CDH12: variants seen among roughly 807,000 people sequenced by gnomAD.
CDH12 encodes cadherin 12.
In CDH12, 41 loss-of-function variants were observed where a neutral mutation model predicts 74.1. The ratio of observed to expected loss-of-function variants is 0.55; its 90% CI spans 0.43 to 0.72. CDH12 has a LOEUF of 0.72. Ranked by LOEUF, CDH12 falls within the 30% of genes least tolerant of loss-of-function variation. The probability of loss-of-function intolerance (pLI) is 0.00; values close to 1 mark genes in which losing one functional copy is unlikely to be tolerated. For missense variants in CDH12, 945 were observed against 977.2 expected (o/e 0.97, Z 0.44); for synonymous variants, 399 against 355.0 (o/e 1.12, Z -1.39).
chr5:21,913,598 TCA>T (rs1753958047), intron 6 of CDH12, among the ~76,000 whole-genome samples: 1 of 152,114 alleles, frequency 6.6e-6, no homozygotes, highest in Non-Finnish European at 1.5e-5. Flanking sequence ...TTAACATTAA[TCA>T]CACATATATA....
intron 4 of CDH12, among the ~76,000 whole-genome samples, chr5:22,184,809 G>A (rs1749841487): frequency 6.6e-6 from 1 of 152,126 alleles, no homozygotes; most frequent in African/African-American, 2.4e-5. Context: ...TGTGGAAAAT[G>A]TTGCCAAGTC....
intron 1 of CDH12, among the ~76,000 whole-genome samples, chr5:22,807,946 A>C (rs191650682): frequency 6.6e-6 from 1 of 152,262 alleles, no homozygotes; most frequent in Admixed American, 6.5e-5. Context: ...AACAGAAACA[A>C]AAAAAATTAA....
intron 2 of CDH12, among the ~76,000 whole-genome samples, chr5:22,484,538 C>T (rs891377693): frequency 2.6e-5 from 4 of 152,162 alleles, no homozygotes; most frequent in African/African-American, 4.8e-5. Flanking sequence ...GAAGGAAAGA[C>T]GATCACCATG....
intron 2 of CDH12, among the ~76,000 whole-genome samples, chr5:22,425,188 T>C (rs1307532296): frequency 3.0e-5 from 4 of 131,672 alleles, no homozygotes; most frequent in Middle Eastern, 4.1e-3. Context: ...TATATATATA[T>C]ACTTCTTTCC....
At chr5:22,522,219 T>C (rs551454184) in intron 1 of CDH12, among the ~76,000 whole-genome samples, 20 of 152,328 alleles carry the variant, frequency 1.3e-4, no homozygotes, top group African/African-American at 4.3e-4. Flanking sequence ...GCACATATTA[T>C]GTTGGCCCTA....
chr5:21,844,444 C>A (rs550251043), intron 7 of CDH12, among the ~76,000 whole-genome samples: 10 of 152,188 alleles, frequency 6.6e-5, no homozygotes, highest in African/African-American at 1.9e-4. Context: ...ACACCCTGGT[C>A]ATCACTAGAA....
intron 1 of CDH12, among the ~76,000 whole-genome samples, chr5:22,790,507 C>T (rs1160117291): frequency 1.3e-5 from 2 of 152,034 alleles, no homozygotes; most frequent in African/African-American, 2.4e-5. Context: ...TAACTTTCAT[C>T]TTATCCGTTG....
intron 3 of CDH12, among the ~76,000 whole-genome samples, chr5:22,357,545 A>G (rs1477364251): frequency 1.3e-5 from 2 of 152,272 alleles, no homozygotes; most frequent in East Asian, 3.9e-4. Flanking sequence ...ATGATTGTCA[A>G]CGTATTAACA....
At chr5:21,935,913 A>G (rs1173990075) in intron 6 of CDH12, among the ~76,000 whole-genome samples, 3 of 152,144 alleles carry the variant, frequency 2.0e-5, no homozygotes, top group African/African-American at 4.8e-5. Context: ...CATTGTAGCA[A>G]ATGACAGGAA....
chr5:22,300,317 C>T (rs973467694), intron 3 of CDH12, among the ~76,000 whole-genome samples: 1 of 152,132 alleles, frequency 6.6e-6, no homozygotes, highest in African/African-American at 2.4e-5. Context: ...TGCACTGGTT[C>T]CTCTCCTCTG....
chr5:22,564,170 T>C (rs1453463900), intron 1 of CDH12, among the ~76,000 whole-genome samples: 2 of 152,214 alleles, frequency 1.3e-5, no homozygotes, highest in African/African-American at 2.4e-5. Flanking sequence ...TATTGTCTTA[T>C]AAAAATATAG....
chr5:22,292,435 A>G (rs753336895), intron 3 of CDH12, among the ~76,000 whole-genome samples: 3 of 151,808 alleles, frequency 2.0e-5, no homozygotes, highest in Non-Finnish European at 2.9e-5. Context: ...CAGCAAAGGA[A>G]ACAATCAACA....
intron 5 of CDH12, among the ~76,000 whole-genome samples, chr5:22,034,008 T>C (rs527816531): frequency 6.6e-6 from 1 of 152,312 alleles, no homozygotes; most frequent in South Asian, 2.1e-4. Context: ...CTTCAATACA[T>C]ATTTAAAGAA....
At chr5:22,029,396 G>GTTACAATCTACA (rs1738647084) in intron 5 of CDH12, among the ~76,000 whole-genome samples, 1 of 151,792 alleles carries the variant, frequency 6.6e-6, no homozygotes, top group African/African-American at 2.4e-5. Flanking sequence ...AATCTACAAT[G>GTTACAATCTACA]AACTCAAACA....
chr5:22,676,710 T>G (rs528207279), intron 1 of CDH12, among the ~76,000 whole-genome samples: 4 of 152,280 alleles, frequency 2.6e-5, no homozygotes, highest in Admixed American at 2.6e-4. Flanking sequence ...GCAAGCCACA[T>G]AAGTATTCAC....
In CDH12 at chr5:22,153,889, A is replaced by AC. The variant is rs1561168560; in HGVS notation, c.-187+58608_-187+58609insG. 2.4e-3 allele frequency among the ~76,000 whole-genome samples: 102 copies of AC among 42,070 alleles called. 2 individuals are homozygous for AC. The East Asian group carries it at 0.069, about 28-fold the overall frequency. 27.6% of individuals were successfully genotyped at this position (42,070 alleles called of 152,430 possible). A position where few individuals can be genotyped will look rare whatever the true frequency, so the allele number is the denominator to read the frequency against. On this transcript the variant is annotated intron_variant, in intron 4 of 14. Transcript: ENST00000382254. ...ATATATATGTATATATATATATATA[A>AC]ATATATATATATATACACACACATA...
intron 1 of CDH12, among the ~76,000 whole-genome samples, chr5:22,673,421 A>G (rs369415743): frequency 6.6e-6 from 1 of 152,128 alleles, no homozygotes; most frequent in East Asian, 1.9e-4. Context: ...TGGTTAATAT[A>G]CTTCCTGTGC....
In CDH12 at chr5:22,516,050, A is replaced by T. The variant is rs568997417; in HGVS notation, c.-522-10686T>A. 9.3e-4 allele frequency among the ~76,000 whole-genome samples: 142 copies of T among 152,260 alleles called. 2 individuals carry two copies. The South Asian group carries it at 0.028, about 30-fold the overall frequency. On this transcript the variant is annotated intron_variant, in intron 1 of 14. Transcript: ENST00000382254. ...TTAAAAAATAACATACACATGACTT[A>T]AACCCCATTTAATGATGCCCAAACT...
intron 2 of CDH12, among the ~76,000 whole-genome samples, chr5:22,452,738 A>G (rs916506517): frequency 1.3e-5 from 2 of 151,792 alleles, no homozygotes; most frequent in Non-Finnish European, 2.9e-5. Context: ...ATATCAAACT[A>G]AAAACCTTCT....
Sources: allele counts gnomAD v4.1 joint callset (sites outside exome capture counted in the v4.1 genomes callset), GRCh38; gene constraint gnomAD v4.1.1; transcripts MANE v1.5; gene names NCBI Gene and HGNC (gene_info 2026-07-23, HGNC 2026-07-21).